Variants in ABCC1 observed in about 807,000 individuals in gnomAD.
ABCC1 encodes the protein multidrug resistance-associated protein 1.
In ABCC1, 83 loss-of-function variants were observed where a neutral mutation model predicts 172.9. That is an observed-to-expected ratio of 0.48 (90% CI 0.40 to 0.58). ABCC1 has a LOEUF of 0.58. ABCC1 is among the 20% of genes least tolerant of loss of function. The pLI is 0.00. For missense variants in ABCC1, 1,817 were observed against 2,002.7 expected, an observed-to-expected ratio of 0.91 and a Z score of 1.77; for synonymous variants, 937 against 825.2, an observed-to-expected ratio of 1.14 and a Z score of -2.32.
intron 12 of ABCC1, 160 bp downstream of exon 12, chr16:16,056,455 T>G: frequency 2.7e-6 from 2 of 748,140 alleles, no homozygotes; most frequent in Non-Finnish European, 4.3e-6. Flanking sequence ...TCACCTGAGG[T>G]CAGGAGTTCA....
intron 19 of ABCC1, among the ~76,000 whole-genome samples, chr16:16,096,466 C>T (rs188781741): frequency 2.1e-3 from 327 of 152,272 alleles, no homozygotes; most frequent in African/African-American, 7.2e-3. Flanking sequence ...AATTAGTTGT[C>T]AGCACAGAGC....
intron 23 of ABCC1, 77 bp from the exon 24 acceptor site, chr16:16,121,898 T>C (rs948660730): frequency 6.6e-7 from 1 of 1,515,348 alleles, no homozygotes; most frequent in Non-Finnish European, 9.1e-7. Flanking sequence ...GTCTAGATGT[T>C]CTCCAGCACA....
intron 9 of ABCC1, among the ~76,000 whole-genome samples, chr16:16,047,853 C>T (rs1026394109): frequency 2.7e-5 from 4 of 150,822 alleles, no homozygotes; most frequent in African/African-American, 9.8e-5. Context: ...CAGAAAAACC[C>T]GGCCGCATGT....
intron 11 of ABCC1, among the ~76,000 whole-genome samples, chr16:16,054,214 A>G (rs1309344935): frequency 6.6e-6 from 1 of 151,980 alleles, no homozygotes; most frequent in Non-Finnish European, 1.5e-5. Context: ...ACCTCAGATG[A>G]TCCACCCGCC....
intron 1 of ABCC1, among the ~76,000 whole-genome samples, chr16:16,003,807 G>T (rs927024639): frequency 1.5e-4 from 14 of 96,432 alleles, no homozygotes; most frequent in East Asian, 5.6e-4. Flanking sequence ...GTGGATGGAT[G>T]GATGGGTGAA....
At chr16:16,121,888 G>C (rs1169727758) in intron 23 of ABCC1, 87 bp from the exon 24 acceptor site, 1 of 1,455,826 alleles carries the variant, frequency 6.9e-7, no homozygotes, top group African/African-American at 1.4e-5. Context: ...TATCGGTTAC[G>C]TCTAGATGTT....
intron 28 of ABCC1, 117 bp downstream of exon 28, chr16:16,134,625 C>CTTTTT (rs67073334): frequency 2.0e-5 from 7 of 355,520 alleles, no homozygotes; most frequent in Non-Finnish European, 2.9e-5. Flanking sequence ...CTTCATCGTT[C>CTTTTT]TTTTTTTTTT....
Position 16,125,923 on chromosome 16 carries a change from C to A in ABCC1, c.3819+12C>A, listed in dbSNP as rs770457848. 1.9e-6 allele frequency: 3 copies of A among 1,605,828 alleles called. No individual in the cohort carries two copies. The highest frequency in any genetic ancestry group is 3.3e-5 in the Admixed American group (2 of 59,814). ...AGACTGAGAAGGAGGTAGGCAAGGG[C>A]CCCTGGCTGGACCTCTTGGTCTTTG... On this transcript the variant is annotated intron_variant, in intron 26 of 30. Coordinates refer to ENST00000399410, the MANE Select transcript of ABCC1 (RefSeq NM_004996.4).
In ABCC1 at chr16:16,114,949, C is replaced by T. The variant is rs749437088; in HGVS notation, c.3263C>T (p.Pro1088Leu). 16 of 1,614,094 alleles carry T rather than the reference C, an allele frequency of 9.9e-6. No homozygotes were observed. The highest frequency in any genetic ancestry group is 1.4e-5 in the Non-Finnish European group (16 of 1,179,990). The change falls in exon 23 of 31, where the codon CCG becomes CTG. Residue 1088 changes from proline (P) to leucine (L), a missense_variant. Pro to Leu is a moderately conservative substitution (Grantham distance 98, BLOSUM62 -3). Transcript: ENST00000399410. ...CTGGACACAGTGGACTCCATGATCCCGGAGGTCATCAAGATGTTCATGGGC... is the reference window on the plus strand; with the variant it reads ...CTGGACACAGTGGACTCCATGATCCTGGAGGTCATCAAGATGTTCATGGGC... ...KELDTVDSMI[P>L]EVIKMFMGSL...
intron 1 of ABCC1, among the ~76,000 whole-genome samples, chr16:15,952,440 G>C (rs2045894454): frequency 6.6e-6 from 1 of 152,006 alleles, no homozygotes; most frequent in African/African-American, 2.4e-5. Flanking sequence ...TTGTTTCTGG[G>C]CTACTGTCTG....
chr16:16,109,351 A>AT (rs2152079630), intron 21 of ABCC1, among the ~76,000 whole-genome samples: 1 of 151,806 alleles, frequency 6.6e-6, no homozygotes, highest in Non-Finnish European at 1.5e-5. Flanking sequence ...TAATTTTAAA[A>AT]TTTTTTGTAG....
At chr16:16,075,358 C>A (rs1300815075) in intron 14 of ABCC1, among the ~76,000 whole-genome samples, 1 of 151,784 alleles carries the variant, frequency 6.6e-6, no homozygotes, top group Non-Finnish European at 1.5e-5. Context: ...GGCATGGTGT[C>A]TCATGCCTGT....
At chr16:16,043,804 G>A (rs571148388) in intron 7 of ABCC1, among the ~76,000 whole-genome samples, 2 of 151,628 alleles carry the variant, frequency 1.3e-5, no homozygotes, top group Non-Finnish European at 2.9e-5. Flanking sequence ...GTTTCACTAT[G>A]TTGGTCAGGC....
rs55752485 is a variant in ABCC1 at position 16,003,320 on chromosome 16, G to A, written c.49-4496G>A. On this transcript the variant is annotated intron_variant, in intron 1 of 30. Coordinates refer to ENST00000399410, the MANE Select transcript of ABCC1 (RefSeq NM_004996.4). Reference sequence around the variant, plus strand: ...TGATGGGTGAATGAATTGGTAGGTGGGTAGGGTGGATGGATGAATTGGTGG... The same window carrying A: ...TGATGGGTGAATGAATTGGTAGGTGAGTAGGGTGGATGGATGAATTGGTGG... Among the ~76,000 whole-genome samples, 28 of 23,524 alleles carry A rather than the reference G, an allele frequency of 1.2e-3. 2 individuals carry two copies. Among genetic ancestry groups the A allele is most frequent in the African/African-American group, 9.9e-3 (27 of 2,732 alleles). The allele number at this position is 23,524 out of a possible 152,430, so 15.4% of individuals were successfully genotyped here.
intron 29 of ABCC1, 60 bp downstream of exon 29, chr16:16,136,704 G>C: frequency 2.6e-6 from 4 of 1,561,104 alleles, no homozygotes; most frequent in South Asian, 2.4e-5. Context: ...TCTCGGTAGG[G>C]GTGTTTGAAG....
At chr16:15,982,522 A>T (rs1346895478) in intron 1 of ABCC1, among the ~76,000 whole-genome samples, 2 of 151,952 alleles carry the variant, frequency 1.3e-5, no homozygotes, top group African/African-American at 4.8e-5. Context: ...GCATGGAGGT[A>T]ACCACCCCCA....
intron 19 of ABCC1, among the ~76,000 whole-genome samples, chr16:16,101,077 G>A (rs376351869): frequency 6.6e-6 from 1 of 151,394 alleles, no homozygotes; most frequent in Non-Finnish European, 1.5e-5. Context: ...TGTCACCCAG[G>A]CTGGAGTGTG....
intron 1 of ABCC1, among the ~76,000 whole-genome samples, chr16:15,979,068 G>A (rs1265212675): frequency 3.9e-5 from 6 of 152,032 alleles, no homozygotes; most frequent in Non-Finnish European, 5.9e-5. Flanking sequence ...CCAGGTGGGC[G>A]GATCATGAGG....
intron 24 of ABCC1, among the ~76,000 whole-genome samples, chr16:16,123,105 C>T (rs982911564): frequency 2.0e-5 from 3 of 152,078 alleles, no homozygotes; most frequent in South Asian, 2.1e-4. Context: ...AATCCCATAG[C>T]GTAAGTCTGG....
Sources: gnomAD v4.1 joint callset for allele counts (sites outside exome capture counted in the v4.1 genomes callset) on GRCh38, gnomAD v4.1.1 for gene constraint, MANE v1.5 for transcripts, NCBI Gene and HGNC (gene_info 2026-07-23, HGNC 2026-07-21) for gene names.